Variants in SLF2 observed in about 807,000 individuals in gnomAD.
The protein encoded by SLF2 is SMC5/6 complex localization factor 2, also known as SMC5-SMC6 complex localization factor protein 2.
A neutral mutation model predicts 124.3 loss-of-function variants in SLF2; 68 were observed. The ratio of observed to expected loss-of-function variants is 0.55; its 90% CI spans 0.45 to 0.67. The LOEUF (loss-of-function observed/expected upper bound fraction) is 0.67, where lower values mean the gene tolerates loss of function less well. SLF2 is among the 30% of genes least tolerant of loss of function. The pLI is 0.00. For synonymous variants in SLF2, 480 were observed against 478.8 expected, an observed-to-expected ratio of 1.00 and a Z score of -0.03; for missense variants, 1,246 against 1,373.7, an observed-to-expected ratio of 0.91 and a Z score of 1.47.
At chr10:100,950,268 A>G in intron 16 of SLF2, 61 bp downstream of exon 16, 1 of 1,500,546 alleles carries the variant, frequency 6.7e-7, no homozygotes, top group Non-Finnish European at 8.9e-7. Context: ...CAGCTTACTA[A>G]CCATAGACTG....
At chr10:100,948,189 A>T (rs753380197) in intron 15 of SLF2, among the ~76,000 whole-genome samples, 7 of 152,270 alleles carry the variant, frequency 4.6e-5, no homozygotes, top group Non-Finnish European at 8.8e-5. Context: ...TTATCACAAG[A>T]TTAGAAATTG....
chr10:100,945,909 A>G (rs1449457609), intron 13 of SLF2, among the ~76,000 whole-genome samples: 1 of 152,214 alleles, frequency 6.6e-6, no homozygotes, highest in Non-Finnish European at 1.5e-5. Context: ...GGACATGAGT[A>G]CAGCAAGACC....
chr10:100,944,228 G>T (rs1022152261), intron 12 of SLF2, 100 bp downstream of exon 12: 3 of 669,076 alleles, frequency 4.5e-6, no homozygotes, highest in South Asian at 2.3e-5. Flanking sequence ...GGGCGCGGTG[G>T]CTCACGCCTG....
At chr10:100,935,227 T>C (rs1487370492) in intron 9 of SLF2, among the ~76,000 whole-genome samples, 2 of 151,540 alleles carry the variant, frequency 1.3e-5, no homozygotes, top group Non-Finnish European at 2.9e-5. Flanking sequence ...AACCCAGTCT[T>C]TACTAAAAAT....
intron 6 of SLF2, among the ~76,000 whole-genome samples, chr10:100,927,480 T>C (rs1242780483): frequency 6.6e-6 from 1 of 152,244 alleles, no homozygotes; most frequent in African/African-American, 2.4e-5. Context: ...ACATTTTCTT[T>C]AGTCATCTGT....
intron 7 of SLF2, 39 bp from the exon 8 acceptor site, chr10:100,929,791 G>A (rs777333221): frequency 1.1e-5 from 16 of 1,475,978 alleles, no homozygotes; most frequent in Non-Finnish European, 1.4e-5. Flanking sequence ...TATATGTAGT[G>A]TAACAATTTG....
At chr10:100,947,958 G>C (rs1589963057) in intron 15 of SLF2, 111 bp downstream of exon 15, 1 of 666,674 alleles carries the variant, frequency 1.5e-6, no homozygotes, top group East Asian at 2.7e-5. Flanking sequence ...CAGCTCTTAA[G>C]CTTGATACTG....
rs1276041166 is a variant in SLF2, at chr10:100,924,547, A to G, written c.1546A>G (p.Thr516Ala). Residue 516 changes from threonine to alanine, a missense_variant, in exon 5 of 20, where the codon ACA becomes GCA. This residue lies in a region of SLF2 where 698 missense variants were observed against 708.9 expected (regional missense o/e 0.98). Coordinates refer to ENST00000238961, the MANE Select transcript of SLF2 (RefSeq NM_018121.4). ...ATCTAAAGAATGTTCTGGGCATTCT[A>G]CAGAATCCACCAAACACAAGGAACA... ...SSSKECSGHS[T>A]ESTKHKEHKA... 7 of 1,614,154 alleles carry G rather than the reference A, an allele frequency of 4.3e-6. No individual in the cohort carries two copies. Among genetic ancestry groups the G allele is most frequent in the African/African-American group, 2.7e-5 (2 of 75,060 alleles).
chr10:100,917,023 C>T lies in SLF2; in HGVS notation c.638C>T (p.Ser213Phe), dbSNP rs771056858. Residue 213 changes from serine (S) to phenylalanine (F), a missense_variant, in exon 3 of 20, where the codon TCC (serine) becomes TTC (phenylalanine). Ser to Phe is a radical substitution (Grantham distance 155). Transcript: ENST00000238961. ...GAAGCTGACATCTTCAATAACAGCT[C>T]CAGAAGCCTTAGCAGCAGGAGCAGC... ...VAEADIFNNS[S>F]RSLSSRSSLS... is the part of the protein sequence containing the mutation. The T allele has an allele frequency of 3.3e-5, 54 of 1,614,066 alleles. No homozygotes were observed. The highest frequency in any genetic ancestry group is 4.2e-5 in the Non-Finnish European group (50 of 1,180,048).
chr10:100,927,055 T>C (rs1849628538), intron 6 of SLF2, among the ~76,000 whole-genome samples: 2 of 150,916 alleles, frequency 1.3e-5, no homozygotes, highest in African/African-American at 4.8e-5. Context: ...AAATTCTAGA[T>C]CGAAAGCATG....
chr10:100,947,028 T>C lies in SLF2; in HGVS notation c.2935-11T>C, dbSNP rs774702430. 5 of 1,597,658 alleles carry C rather than the reference T, an allele frequency of 3.1e-6. No homozygotes were observed. In the East Asian group the frequency reaches 9.0e-5, roughly 29 times the overall value. ...GTTTGAAAAGAAATCTTACATGTTCTTTTTTTTCAGGTGCCTGAACTCTGT... is the reference window on the plus strand; with the variant it reads ...GTTTGAAAAGAAATCTTACATGTTCCTTTTTTTCAGGTGCCTGAACTCTGT... On this transcript the variant is annotated splice_polypyrimidine_tract_variant and intron_variant, in intron 13 of 19. Transcript: ENST00000238961.
Position 100,937,543 on chromosome 10 carries a change from C to A in SLF2, c.2512+66C>A, listed in dbSNP as rs530625338. ...TGGTTGCTATTTACATGGTATCTTTCACATTGCTAAATGTTAGTATATTTG... is the reference window on the plus strand; with the variant it reads ...TGGTTGCTATTTACATGGTATCTTTAACATTGCTAAATGTTAGTATATTTG... On this transcript the variant is annotated intron_variant, in intron 10 of 19. Coordinates refer to ENST00000238961, the MANE Select transcript of SLF2 (RefSeq NM_018121.4). The A allele has an allele frequency of 4.2e-6, 4 of 945,396 alleles. No homozygotes were observed. The East Asian group carries it at 7.2e-5, about 17-fold the overall frequency. The allele number at this position is 945,396 out of a possible 1,614,324, so 58.6% of individuals were successfully genotyped here.
chr10:100,959,062 C>T (rs948313599), intron 18 of SLF2, among the ~76,000 whole-genome samples: 1 of 152,158 alleles, frequency 6.6e-6, no homozygotes, highest in African/African-American at 2.4e-5. Context: ...CAGCCAAAGC[C>T]TTGGGCCCTG....
chr10:100,925,811 A>T, intron 5 of SLF2, 138 bp from the exon 6 acceptor site: 1 of 830,056 alleles, frequency 1.2e-6, no homozygotes, highest in Non-Finnish European at 1.8e-6. Context: ...GATGGTGAAA[A>T]TTATCCTTTA....
chr10:100,925,894 C>A, intron 5 of SLF2, 55 bp from the exon 6 acceptor site: 1 of 1,488,060 alleles, frequency 6.7e-7, no homozygotes, highest in Non-Finnish European at 9.0e-7. Context: ...CTTAAAACAT[C>A]CCAGTTCTTC....
At chr10:100,925,102 A>G in intron 5 of SLF2, 130 bp downstream of exon 5, 1 of 997,906 alleles carries the variant, frequency 1.0e-6, no homozygotes, top group Admixed American at 2.9e-5. Flanking sequence ...TGAAAATGGA[A>G]TAATTCTTGT....
At chr10:100,916,518 A>G (rs1004861462) in intron 2 of SLF2, 52 bp from the exon 3 acceptor site, 11 of 1,229,718 alleles carry the variant, frequency 8.9e-6, no homozygotes, top group African/African-American at 1.6e-5. Flanking sequence ...TTAGATAAAT[A>G]TTAAATATTT....
At chr10:100,934,432 A>G (rs1423039517) in intron 9 of SLF2, among the ~76,000 whole-genome samples, 2 of 152,182 alleles carry the variant, frequency 1.3e-5, no homozygotes, top group African/African-American at 2.4e-5. Flanking sequence ...ACCTTGTCCT[A>G]TGTGTAACAT....
In SLF2 at chr10:100,925,973, A is replaced by G; in HGVS notation, c.1996A>G (p.Thr666Ala). 6.2e-7 allele frequency: 1 copy of G among 1,607,498 alleles called. No individual in the cohort carries two copies. Among genetic ancestry groups the G allele is most frequent in the Non-Finnish European group, 8.5e-7 (1 of 1,176,478 alleles). Residue 666 changes from threonine (T) to alanine (A), a missense_variant, in exon 6 of 20, where the codon ACA becomes GCA. Transcript: ENST00000238961. Reference protein sequence around the residue: ...YTGHVHPGTYTNTLERLVKEM... With the variant: ...YTGHVHPGTYANTLERLVKEM... ...GGGACATGTTCATCCTGGAACTTAC[A>G]CAAATACCTTAGAACGTCTAGTGAA...
Sources: gnomAD v4.1 joint callset for allele counts (sites outside exome capture counted in the v4.1 genomes callset) on GRCh38, gnomAD v4.1.1 for gene constraint, gnomAD v4.1.1 regional missense constraint, MANE v1.5 for transcripts, NCBI Gene and HGNC (gene_info 2026-07-23, HGNC 2026-07-21) for gene names.